The following NAPB variants were observed in gnomAD, a reference collection of about 807,000 sequenced individuals.
NAPB encodes NSF attachment protein beta.
A neutral mutation model predicts 44.7 loss-of-function variants in NAPB; 26 were observed. That is an observed-to-expected ratio of 0.58 (90% CI 0.43 to 0.81). The LOEUF is 0.81. Among genes scored for constraint, NAPB ranks in the 30% least tolerant of loss-of-function variants. NAPB has a pLI of 0.00. For missense variants in NAPB, 315 were observed against 356.4 expected (o/e 0.88, Z 0.94); for synonymous variants, 120 against 116.8 (o/e 1.03, Z -0.18).
chr20:23,405,321 GAGAGAGAA>G (rs1985164295), intron 1 of NAPB, among the ~76,000 whole-genome samples: 7 of 139,254 alleles, frequency 5.0e-5, no homozygotes, highest in South Asian at 2.3e-4. Context: ...GAAAGAGAGA[GAGAGAGAA>G]AGAAAGAAAG....
intron 7 of NAPB, 116 bp downstream of exon 7, chr20:23,389,830 G>A (rs1415574976): frequency 2.3e-5 from 19 of 828,808 alleles, no homozygotes; most frequent in Non-Finnish European, 3.7e-5. Context: ...AAAAACCGCT[G>A]AACTGTACTC....
At position 23,377,148 on chromosome 20, in the gene NAPB, T is replaced by G. The variant is rs573533853; in HGVS notation, c.*228A>C. 6.4e-6 allele frequency: 2 copies of G among 314,436 alleles called. No homozygotes were observed. The highest frequency in any genetic ancestry group is 4.2e-5 in the African/African-American group (2 of 47,070). 19.5% of individuals were successfully genotyped at this position (314,436 alleles called of 1,614,324 possible). On this transcript the variant is annotated 3_prime_UTR_variant, in exon 11 of 11. Coordinates refer to ENST00000377026, the MANE Select transcript of NAPB (RefSeq NM_022080.3). ...TTCTGAAGTACTTCTCAGAAAACGC[T>G]GGGGGTTCTGATAAGCATGAAACAA...
chr20:23,387,690 A>C (rs1237803305), intron 7 of NAPB, among the ~76,000 whole-genome samples: 7 of 152,218 alleles, frequency 4.6e-5, no homozygotes. Context: ...CAAGAAATAC[A>C]AAACTTACAC....
rs1982479048 is a variant in NAPB at position 23,375,908 on chromosome 20, ACTTTCT to A, written c.*1462_*1467del. 1 of 152,304 alleles carries A rather than the reference ACTTTCT, an allele frequency of 6.6e-6. No homozygotes were observed. The highest frequency in any genetic ancestry group is 2.4e-5 in the African/African-American group (1 of 41,416). 9.4% of individuals were successfully genotyped at this position (152,304 alleles called of 1,614,324 possible). ...GGCCCTTCCCACTTCCTTTCCTGCT[ACTTTCT>A]CTTTCTTCCTAGACTGACCTACTCA... On this transcript the variant is annotated 3_prime_UTR_variant, in exon 11 of 11. Transcript: ENST00000377026.
intron 9 of NAPB, 30 bp from the exon 10 acceptor site, chr20:23,379,525 G>C (rs959699165): frequency 1.9e-6 from 3 of 1,548,194 alleles, no homozygotes; most frequent in Non-Finnish European, 2.6e-6. Context: ...TTAAAAAACA[G>C]TTCTGTAAGA....
At position 23,404,592 on chromosome 20, in the gene NAPB, T is replaced by C. The variant is rs575363635; in HGVS notation, c.99-1520A>G. On this transcript the variant is annotated intron_variant, in intron 1 of 10. Coordinates refer to ENST00000377026, the MANE Select transcript of NAPB (RefSeq NM_022080.3). ...GCATGCGTAAACTGAAGATAATGTA[T>C]ACCTAGGAGTTATTATGAGGATCAA... Among the ~76,000 whole-genome samples the C allele has an allele frequency of 7.9e-5, 12 of 152,288 alleles. No homozygotes were observed. The East Asian group carries it at 1.4e-3, about 17-fold the overall frequency.
At chr20:23,390,615 C>T (rs1983874053) in intron 5 of NAPB, among the ~76,000 whole-genome samples, 1 of 152,234 alleles carries the variant, frequency 6.6e-6, no homozygotes, top group African/African-American at 2.4e-5. Context: ...TTTGCATCCT[C>T]CTCCAGGCCT....
chr20:23,388,917 A>G (rs1983731299), intron 7 of NAPB, among the ~76,000 whole-genome samples: 1 of 152,160 alleles, frequency 6.6e-6, no homozygotes, highest in Non-Finnish European at 1.5e-5. Flanking sequence ...CAAAAATATG[A>G]AAGACTTCAG....
intron 1 of NAPB, among the ~76,000 whole-genome samples, chr20:23,403,614 A>AAAAAAAAAAAAAAAAAAC: frequency 6.6e-6 from 1 of 151,802 alleles, no homozygotes; most frequent in Non-Finnish European, 1.5e-5. Flanking sequence ...AAAAAAAAAA[A>AAAAAAAAAAAAAAAAAAC]AGACTCAAAC....
At chr20:23,405,239 C>T (rs1213988766) in intron 1 of NAPB, among the ~76,000 whole-genome samples, 2 of 151,778 alleles carry the variant, frequency 1.3e-5, no homozygotes, top group Non-Finnish European at 2.9e-5. Flanking sequence ...CACCACTGCA[C>T]TCCAGCCCAC....
At position 23,395,133 on chromosome 20, in the gene NAPB, T is replaced by A; in HGVS notation, c.342+6A>T. ...CCACAGCCACTCAAGCAATGCAATG[T>A]CTTACCATGTCTGTGTAAATGTCGA... On this transcript the variant is annotated splice_donor_region_variant and intron_variant, in intron 4 of 10. Transcript: ENST00000377026. 6.2e-7 allele frequency: 1 copy of A among 1,614,168 alleles called. No homozygotes were observed. Among genetic ancestry groups the A allele is most frequent in the East Asian group, 2.2e-5 (1 of 44,882 alleles).
intron 1 of NAPB, 121 bp downstream of exon 1, chr20:23,421,184 C>G (rs926622194): frequency 9.2e-6 from 7 of 764,078 alleles, no homozygotes; most frequent in Non-Finnish European, 1.4e-5. Flanking sequence ...AGGCTGAGGG[C>G]CCCTAGACGT....
At chr20:23,405,374 C>T (rs536941181) in intron 1 of NAPB, among the ~76,000 whole-genome samples, 37 of 152,148 alleles carry the variant, frequency 2.4e-4, no homozygotes, top group African/African-American at 7.7e-4. Context: ...AGAGAGAAAA[C>T]GCATATCCAC....
intron 5 of NAPB, among the ~76,000 whole-genome samples, chr20:23,392,602 G>A (rs1984048823): frequency 6.6e-6 from 1 of 152,140 alleles, no homozygotes. Flanking sequence ...GGAGGCTGAG[G>A]CTACAGTGAG....
rs767669372 is a variant in NAPB at position 23,394,963 on chromosome 20, T to C, written c.379A>G (p.Ile127Val). Residue 127 changes from isoleucine (I) to valine (V), a missense_variant, in exon 5 of 11, where the codon ATT becomes GTT. Coordinates refer to ENST00000377026, the MANE Select transcript of NAPB (RefSeq NM_022080.3). ...FTIAAKHHIT[I>V]AEIYETELVD... The stretch of plus-strand genomic sequence containing the variant: ...AGTTCAGTCTCATAGATCTCTGCAA[T>C]AGTAATGTGGTGCTTGGCTGCAATT... 5.0e-6 allele frequency: 8 copies of C among 1,614,048 alleles called. No homozygotes were observed. In the African/African-American group the frequency reaches 5.3e-5, roughly 11 times the overall value.
Position 23,421,405 on chromosome 20 carries a change from C to A in NAPB, c.-3G>T, listed in dbSNP as rs891436835. 30 of 1,542,666 alleles carry A rather than the reference C, an allele frequency of 1.9e-5. No individual in the cohort carries two copies. The highest frequency in any genetic ancestry group is 3.6e-5 in the South Asian group (3 of 83,578). The stretch of plus-strand genomic sequence containing the variant: ...CGCTCCTTCCCCGCGTTGTCCATGT[C>A]GCCCGCCGCGGCCGCCACAGCCCCC... On this transcript the variant is annotated 5_prime_UTR_variant, in exon 1 of 11. Coordinates refer to ENST00000377026, the MANE Select transcript of NAPB (RefSeq NM_022080.3).
rs577243586 is a variant in NAPB at position 23,421,334 on chromosome 20, G to A, written c.69C>T (p.Ala23=). The A allele has an allele frequency of 2.6e-5, 40 of 1,565,294 alleles. No homozygotes were observed. The African/African-American group carries it at 5.0e-4, about 20-fold the overall frequency. The change falls in exon 1 of 11, where the codon GCC becomes GCT. Residue 23 remains alanine (A), a synonymous_variant. Coordinates refer to ENST00000377026, the MANE Select transcript of NAPB (RefSeq NM_022080.3). ...ACAGCCCTCGGAGGAAGGAGTGGGA[G>A]GCCTTGACTCGCTTCTCGGCCTCCG... ...LMAEAEKRVK[A]SHSFLRGLFG... is the part of the protein sequence containing the mutation.
chr20:23,415,025 T>C (rs1307065231), intron 1 of NAPB, among the ~76,000 whole-genome samples: 2 of 152,156 alleles, frequency 1.3e-5, no homozygotes, highest in African/African-American at 2.4e-5. Flanking sequence ...ATGCTGTTTA[T>C]ATATAAAAGG....
chr20:23,395,180 T>G lies in NAPB; in HGVS notation c.301A>C (p.Ile101Leu). Residue 101 changes from isoleucine to leucine, a missense_variant, in exon 4 of 11, where the codon ATC becomes CTC. This residue lies in a region of NAPB where 179 missense variants were observed against 182.5 expected (regional missense o/e 0.98). Coordinates refer to ENST00000377026, the MANE Select transcript of NAPB (RefSeq NM_022080.3). ...AYKKADPQEA[I>L]NCLNAAIDIY... ...TCGATGGCTGCATTTAAGCAGTTGA[T>G]AGCCTCTGAAGCGTAGGCATTTAAG... The G allele has an allele frequency of 6.2e-7, 1 of 1,614,170 alleles. No individual in the cohort carries two copies. The highest frequency in any genetic ancestry group is 8.5e-7 in the Non-Finnish European group (1 of 1,180,000).
Sources: allele counts gnomAD v4.1 joint callset (sites outside exome capture counted in the v4.1 genomes callset), GRCh38; gene constraint gnomAD v4.1.1; regional missense constraint gnomAD v4.1.1; transcripts MANE v1.5; gene names NCBI Gene and HGNC (gene_info 2026-07-23, HGNC 2026-07-21).